MEIS2: variants seen among roughly 807,000 people sequenced by gnomAD.
The protein encoded by MEIS2 is Meis homeobox 2, also known as homeobox protein Meis2.
A neutral mutation model predicts 58.6 loss-of-function variants in MEIS2; 9 were observed. That is an observed-to-expected ratio of 0.15 (90% CI 0.09 to 0.27). The LOEUF is 0.27. MEIS2 is among the 10% of genes least tolerant of loss of function. The pLI is 1.00. For synonymous variants in MEIS2, 221 were observed against 228.4 expected (o/e 0.97, Z 0.29); for missense variants, 427 against 635.0 (o/e 0.67, Z 3.52).
intron 8 of MEIS2, among the ~76,000 whole-genome samples, chr15:37,015,823 C>T (rs371902476): frequency 5.3e-4 from 81 of 152,082 alleles, no homozygotes; most frequent in African/African-American, 1.8e-3. Flanking sequence ...TAGATATCCT[C>T]GTGGTGGTGA....
At chr15:36,912,185 A>T (rs886488841) in intron 9 of MEIS2, among the ~76,000 whole-genome samples, 1 of 152,200 alleles carries the variant, frequency 6.6e-6, no homozygotes, top group African/African-American at 2.4e-5. Context: ...CCAAAAACAA[A>T]TGCTGGACAA....
At chr15:36,975,399 T>C (rs956480478) in intron 8 of MEIS2, among the ~76,000 whole-genome samples, 1 of 152,164 alleles carries the variant, frequency 6.6e-6, no homozygotes, top group African/African-American at 2.4e-5. Flanking sequence ...GTTTCAGTTT[T>C]CTTTAAATTT....
At chr15:37,089,864 TTGTC>T (rs1164387351) in intron 6 of MEIS2, among the ~76,000 whole-genome samples, 1 of 152,148 alleles carries the variant, frequency 6.6e-6, no homozygotes, top group Non-Finnish European at 1.5e-5. Context: ...TGTATTTTCT[TTGTC>T]TGTACTAGGT....
At chr15:36,926,058 A>G (rs1442110573) in intron 9 of MEIS2, among the ~76,000 whole-genome samples, 1 of 151,902 alleles carries the variant, frequency 6.6e-6, no homozygotes, top group Non-Finnish European at 1.5e-5. Context: ...GCTTCTTTTT[A>G]TCTTCAAATA....
chr15:36,893,201 A>C (rs2055976421), intron 11 of MEIS2, among the ~76,000 whole-genome samples: 1 of 152,238 alleles, frequency 6.6e-6, no homozygotes, highest in African/African-American at 2.4e-5. Flanking sequence ...GAAGTCAGCA[A>C]TTGTAAGGAT....
chr15:37,096,032 C>T (rs1234467135), intron 3 of MEIS2: 4 of 475,598 alleles, frequency 8.4e-6, no homozygotes, highest in Non-Finnish European at 1.5e-5. Context: ...AAGGCCAAGC[C>T]CCAGATTAGG....
At chr15:37,076,566 A>G (rs1891447238) in intron 7 of MEIS2, among the ~76,000 whole-genome samples, 1 of 151,948 alleles carries the variant, frequency 6.6e-6, no homozygotes, top group Admixed American at 6.6e-5. Context: ...GCCCATCTGT[A>G]TTTCTTACCT....
At chr15:36,919,912 T>G (rs546811642) in intron 9 of MEIS2, among the ~76,000 whole-genome samples, 9 of 152,324 alleles carry the variant, frequency 5.9e-5, no homozygotes, top group African/African-American at 2.2e-4. Context: ...AGGTGGATCT[T>G]TATTTAGAGC....
intron 8 of MEIS2, among the ~76,000 whole-genome samples, chr15:37,026,392 T>C (rs2061707064): frequency 6.6e-6 from 1 of 152,222 alleles, no homozygotes; most frequent in African/African-American, 2.4e-5. Flanking sequence ...CATGGGAATA[T>C]ACTTTTCCAA....
intron 8 of MEIS2, among the ~76,000 whole-genome samples, chr15:37,023,907 CTCTCTTTTTTTT>C (rs1412624715): frequency 3.5e-5 from 4 of 115,896 alleles, no homozygotes; most frequent in East Asian, 2.8e-4. Flanking sequence ...CTCCTTTTCT[CTCTCTTTTTTTT>C]TTTTTTTTTT....
intron 8 of MEIS2, among the ~76,000 whole-genome samples, chr15:36,960,489 A>G (rs1239287066): frequency 2.0e-5 from 3 of 152,148 alleles, no homozygotes; most frequent in African/African-American, 7.2e-5. Flanking sequence ...GAAAGTCTCA[A>G]TCAGGAGGGC....
intron 9 of MEIS2, among the ~76,000 whole-genome samples, chr15:36,925,837 G>C (rs143752268): frequency 2.9e-4 from 44 of 152,154 alleles, no homozygotes; most frequent in African/African-American, 9.9e-4. Context: ...TGACATCTTC[G>C]CTCGTTTGCC....
intron 7 of MEIS2, among the ~76,000 whole-genome samples, chr15:37,055,282 G>A (rs1311243102): frequency 6.6e-6 from 1 of 152,152 alleles, no homozygotes; most frequent in East Asian, 1.9e-4. Context: ...ATGAACGTAA[G>A]CATCCTGGGG....
Position 37,009,244 on chromosome 15 carries a change from G to C in MEIS2, c.900+27570C>G, listed in dbSNP as rs925087598. ...GCGGAGCTTGCAGTGAGCCGAGATC[G>C]CGCCACTGCACTCCAGCCTGGGCGA... On this transcript the variant is annotated intron_variant, in intron 8 of 11. Transcript: ENST00000561208. 5.9e-5 allele frequency among the ~76,000 whole-genome samples: 9 copies of C among 152,024 alleles called. No individual in the cohort carries two copies. The East Asian group carries it at 1.5e-3, about 26-fold the overall frequency.
At chr15:36,940,777 A>AT (rs1005383919) in intron 9 of MEIS2, among the ~76,000 whole-genome samples, 1 of 152,164 alleles carries the variant, frequency 6.6e-6, no homozygotes, top group African/African-American at 2.4e-5. Context: ...GACAAAGTGC[A>AT]TTGGGGTGCT....
intron 7 of MEIS2, among the ~76,000 whole-genome samples, chr15:37,046,677 G>A (rs1466416815): frequency 6.6e-6 from 1 of 152,032 alleles, no homozygotes; most frequent in African/African-American, 2.4e-5. Context: ...TCCTCATACT[G>A]GTCCTTGACC....
intron 7 of MEIS2, among the ~76,000 whole-genome samples, chr15:37,070,678 A>G (rs1430653848): frequency 4.6e-5 from 7 of 152,118 alleles, no homozygotes; most frequent in Non-Finnish European, 8.8e-5. Flanking sequence ...CTAAATATTG[A>G]AGAAGATATA....
chr15:36,926,259 T>G (rs967563737), intron 9 of MEIS2, among the ~76,000 whole-genome samples: 1 of 152,102 alleles, frequency 6.6e-6, no homozygotes, highest in African/African-American at 2.4e-5. Flanking sequence ...TTTTGTACAT[T>G]ATGTAAGTCA....
intron 8 of MEIS2, among the ~76,000 whole-genome samples, chr15:37,016,987 C>G (rs2061371890): frequency 6.6e-6 from 1 of 152,170 alleles, no homozygotes; most frequent in Non-Finnish European, 1.5e-5. Flanking sequence ...TTAGCATATC[C>G]TTTCACAAAA....
Sources: allele counts gnomAD v4.1 joint callset (sites outside exome capture counted in the v4.1 genomes callset), GRCh38; gene constraint gnomAD v4.1.1; transcripts MANE v1.5; gene names NCBI Gene and HGNC (gene_info 2026-07-23, HGNC 2026-07-21).